P2RY8: variants seen among roughly 807,000 people sequenced by gnomAD.
P2RY8 encodes the protein S-geranylgeranyl-glutathione receptor P2RY8.
P2RY8 carries 6 observed loss-of-function variants against 10.0 expected under a neutral mutation model. That is an observed-to-expected ratio of 0.60 (90% CI 0.33 to 1.19). The LOEUF (loss-of-function observed/expected upper bound fraction) is 1.19, where lower values mean the gene tolerates loss of function less well. Among genes scored for constraint, P2RY8 ranks in the 50% most tolerant of loss-of-function variants. The pLI is 0.04. For missense variants in P2RY8, 456 were observed against 542.0 expected, an observed-to-expected ratio of 0.84 and a Z score of 1.58; for synonymous variants, 276 against 252.5, an observed-to-expected ratio of 1.09 and a Z score of -0.88.
At chrX:1,499,804 T>C (rs753050949) in intron 1 of P2RY8, among the ~76,000 whole-genome samples, 2 of 152,154 alleles carry the variant, frequency 1.3e-5, no homozygotes, top group African/African-American at 4.8e-5. Flanking sequence ...GGGATGTCTT[T>C]CTATTTATTT....
intron 1 of P2RY8, among the ~76,000 whole-genome samples, chrX:1,467,235 T>C (rs2091698202): frequency 6.6e-6 from 1 of 152,086 alleles, no homozygotes; most frequent in Non-Finnish European, 1.5e-5. Flanking sequence ...TCCAAAGTCT[T>C]TCCAGCTTTT....
intron 1 of P2RY8, among the ~76,000 whole-genome samples, chrX:1,481,368 T>G (rs1177754026): frequency 3.9e-5 from 6 of 152,184 alleles, no homozygotes; most frequent in Non-Finnish European, 8.8e-5. Flanking sequence ...TTCACTATGT[T>G]AGCCGGGCTG....
intron 1 of P2RY8, among the ~76,000 whole-genome samples, chrX:1,485,494 A>G (rs1327938550): frequency 3.3e-5 from 5 of 151,908 alleles, no homozygotes; most frequent in African/African-American, 9.7e-5. Context: ...TAAATTAAAT[A>G]TTACCTTATT....
chrX:1,499,024 A>T (rs1453596497), intron 1 of P2RY8, among the ~76,000 whole-genome samples: 2 of 150,822 alleles, frequency 1.3e-5, no homozygotes, highest in Admixed American at 6.6e-5. Context: ...TAGTAGAGAC[A>T]GGGTTTCACC....
At chrX:1,495,778 T>A (rs2092110836) in intron 1 of P2RY8, among the ~76,000 whole-genome samples, 1 of 115,330 alleles carries the variant, frequency 8.7e-6, no homozygotes, top group Non-Finnish European at 2.0e-5. Context: ...CATACCTGGA[T>A]CTCAGACCTC....
intron 1 of P2RY8, among the ~76,000 whole-genome samples, chrX:1,529,095 C>T (rs1302883909): frequency 5.3e-5 from 8 of 152,138 alleles, no homozygotes; most frequent in East Asian, 1.9e-4. Flanking sequence ...GAGAATAACA[C>T]GTACACACAG....
intron 1 of P2RY8, among the ~76,000 whole-genome samples, chrX:1,491,902 T>C (rs1481726712): frequency 3.3e-5 from 5 of 152,190 alleles, no homozygotes; most frequent in Non-Finnish European, 7.3e-5. Flanking sequence ...AATGCATGAA[T>C]GAATGCCACT....
At position 1,536,190 on chromosome X, in the gene P2RY8, G is replaced by T. The variant is rs181472911; in HGVS notation, c.-25+731C>A. ...GCAATCTCAGGCGTAAATGGGTTAC[G>T]TGCAGCAGCCGCAGCTGCTTACCCT... On this transcript the variant is annotated intron_variant, in intron 1 of 1. Transcript: ENST00000381297. 3.6e-3 allele frequency among the ~76,000 whole-genome samples: 553 copies of T among 152,138 alleles called. 7 individuals carry two copies. The highest frequency in any genetic ancestry group is 0.024 in the East Asian group (122 of 5,180).
rs2092376306 is a variant in P2RY8, at chrX:1,519,570, A to G, written c.-25+17351T>C. Among the ~76,000 whole-genome samples, 4 of 151,786 alleles carry G rather than the reference A, an allele frequency of 2.6e-5. No individual in the cohort carries two copies. In the South Asian group the frequency reaches 8.3e-4, roughly 31 times the overall value. The stretch of plus-strand genomic sequence containing the variant: ...TCCCCAGTCATCTCCTTGGTCTCCA[A>G]TATTCTCTCCAATTTCTAATATTGT... On this transcript the variant is annotated intron_variant, in intron 1 of 1. Coordinates refer to ENST00000381297, the MANE Select transcript of P2RY8 (RefSeq NM_178129.5).
intron 1 of P2RY8, among the ~76,000 whole-genome samples, chrX:1,493,273 G>A (rs2092072924): frequency 7.0e-6 from 1 of 143,096 alleles, no homozygotes. Flanking sequence ...GGGCAACAGT[G>A]CGAGACAAGA....
chrX:1,467,758 C>G, intron 1 of P2RY8, among the ~76,000 whole-genome samples: 1 of 152,158 alleles, frequency 6.6e-6, no homozygotes, highest in East Asian at 1.9e-4. Flanking sequence ...CTCACTGCAG[C>G]CTCCAACGCC....
chrX:1,467,934 C>A (rs1210277751), intron 1 of P2RY8, among the ~76,000 whole-genome samples: 1 of 151,698 alleles, frequency 6.6e-6, no homozygotes, highest in Non-Finnish European at 1.5e-5. Flanking sequence ...CTGCCTCAGC[C>A]TCCTGAGTAG....
At chrX:1,522,466 C>T (rs1159374344) in intron 1 of P2RY8, among the ~76,000 whole-genome samples, 1 of 152,124 alleles carries the variant, frequency 6.6e-6, no homozygotes, top group Non-Finnish European at 1.5e-5. Context: ...TCGTCGTGCA[C>T]GCACAGAGAT....
intron 1 of P2RY8, among the ~76,000 whole-genome samples, chrX:1,523,893 G>A (rs1409409586): frequency 6.6e-6 from 1 of 152,130 alleles, no homozygotes; most frequent in Non-Finnish European, 1.5e-5. Context: ...AAAAAACCCT[G>A]TTGGCCAGGC....
intron 1 of P2RY8, among the ~76,000 whole-genome samples, chrX:1,483,069 T>C (rs2091954104): frequency 6.6e-6 from 1 of 152,132 alleles, no homozygotes; most frequent in Admixed American, 6.6e-5. Flanking sequence ...GTTGTGCACA[T>C]GTACCCTAAA....
In P2RY8 at chrX:1,466,577, C is replaced by A. The variant is rs770351028; in HGVS notation, c.-19G>T. 2 of 1,593,362 alleles carry A rather than the reference C, an allele frequency of 1.3e-6. No individual in the cohort carries two copies. The highest frequency in any genetic ancestry group is 1.7e-6 in the Non-Finnish European group (2 of 1,173,064). On this transcript the variant is annotated 5_prime_UTR_variant, in exon 2 of 2. Transcript: ENST00000381297. Reference sequence around the variant, plus strand: ...CCTGCATCCTGGAGGGGTCCTCGCCCGGGCTCTGCAAGGGAAGGAGGGAAG... The same window carrying A: ...CCTGCATCCTGGAGGGGTCCTCGCCAGGGCTCTGCAAGGGAAGGAGGGAAG...
At chrX:1,500,423 G>A (rs1414205829) in intron 1 of P2RY8, among the ~76,000 whole-genome samples, 3 of 151,594 alleles carry the variant, frequency 2.0e-5, no homozygotes, top group South Asian at 4.2e-4. Context: ...GACTACAGGC[G>A]TGCACCACCA....
At chrX:1,530,776 A>G (rs1222590401) in intron 1 of P2RY8, among the ~76,000 whole-genome samples, 1 of 150,034 alleles carries the variant, frequency 6.7e-6, no homozygotes, top group Admixed American at 6.6e-5. Flanking sequence ...TATCTAATTT[A>G]CGTATGTATC....
intron 1 of P2RY8, among the ~76,000 whole-genome samples, chrX:1,496,399 G>A (rs1271604934): frequency 1.3e-5 from 2 of 152,190 alleles, no homozygotes; most frequent in Admixed American, 6.5e-5. Context: ...CACATGAGAA[G>A]GCTCACAGCC....
Sources: gnomAD v4.1 joint callset for allele counts (sites outside exome capture counted in the v4.1 genomes callset) on GRCh38, gnomAD v4.1.1 for gene constraint, MANE v1.5 for transcripts, NCBI Gene and HGNC (gene_info 2026-07-23, HGNC 2026-07-21) for gene names.